The following AMZ1 variants were observed in gnomAD, a reference collection of about 807,000 sequenced individuals.
AMZ1 encodes archaelysin family metallopeptidase 1.
In AMZ1, 39 loss-of-function variants were observed where a neutral mutation model predicts 29.9. The observed-to-expected ratio is 1.30, with a 90% CI of 1.01 to 1.70. AMZ1 has a LOEUF of 1.70. Among genes scored for constraint, AMZ1 ranks in the 40% most tolerant of loss-of-function variants. The pLI is 0.00. For missense variants in AMZ1, 1,041 were observed against 680.6 expected (o/e 1.53, Z -5.89); for synonymous variants, 458 against 304.0 (o/e 1.51, Z -5.27).
rs200691408 is a variant in AMZ1 at position 2,733,423 on chromosome 7, G to T, written n.550+23607G>T. 3 of 1,607,674 alleles carry T rather than the reference G, an allele frequency of 1.9e-6. No individual in the cohort carries two copies. The East Asian group carries it at 6.7e-5, about 36-fold the overall frequency. On this transcript the variant is annotated intron_variant and non_coding_transcript_variant, in intron 4 of 4. Coordinates refer to the AMZ1 transcript ENST00000489665. ...ACACGTTTTCTAACCCTGGAGCCCA[G>T]CTTCTTCGGGCGGGCGTGCTTACTC...
downstream of AMZ1, among the ~76,000 whole-genome samples, chr7:2,723,809 G>A (rs1356647307): frequency 6.6e-6 from 1 of 152,202 alleles, no homozygotes; most frequent in African/African-American, 2.4e-5. Flanking sequence ...GAGCCCCGGA[G>A]CTGGGCCTGG....
rs1394674017 is a variant in AMZ1, at chr7:2,717,132, ACT to A, written c.*4257_*4258del. The stretch of plus-strand genomic sequence containing the variant: ...TTTCTGGCCCGTGCAGCTCCTTCGG[ACT>A]CTGAGGAGAGGCCTGGGTGGGTGGC... On this transcript the variant is annotated 3_prime_UTR_variant, in exon 7 of 7. Coordinates refer to ENST00000683327, the MANE Select transcript of AMZ1 (RefSeq NM_001384743.1). Among the ~76,000 whole-genome samples the A allele has an allele frequency of 2.6e-5, 4 of 151,996 alleles. No homozygotes were observed. Among genetic ancestry groups the A allele is most frequent in the African/African-American group, 9.7e-5 (4 of 41,364 alleles).
intron 4 of AMZ1, chr7:2,729,678 G>C (rs532271591): frequency 2.0e-5 from 3 of 152,442 alleles, no homozygotes; most frequent in African/African-American, 7.2e-5. Flanking sequence ...GCACGGCCTC[G>C]GGACGAGGGC....
Position 2,718,913 on chromosome 7 carries a change from G to A in AMZ1, c.*6035G>A, listed in dbSNP as rs143825621. On this transcript the variant is annotated 3_prime_UTR_variant, in exon 7 of 7. Coordinates refer to ENST00000683327, the MANE Select transcript of AMZ1 (RefSeq NM_001384743.1). ...CAGAGAACACGCTTTTCTCAGGGTC[G>A]CTTAACACAGGCAGGGGTACAGGAG... Among the ~76,000 whole-genome samples the A allele has an allele frequency of 6.8e-4, 104 of 152,270 alleles. No homozygotes were observed. Among genetic ancestry groups the A allele is most frequent in the African/African-American group, 2.4e-3 (100 of 41,562 alleles).
chr7:2,740,969 C>A (rs531895795), intron 4 of AMZ1, among the ~76,000 whole-genome samples: 5 of 152,080 alleles, frequency 3.3e-5, no homozygotes, highest in African/African-American at 1.2e-4. Flanking sequence ...GGTGTGAACC[C>A]GGGAGGCAGA....
chr7:2,735,180 C>A (rs566314258), intron 4 of AMZ1, among the ~76,000 whole-genome samples: 9 of 152,212 alleles, frequency 5.9e-5, no homozygotes, highest in Admixed American at 3.3e-4. Flanking sequence ...CTCTCCTGCC[C>A]TCCCCTGGGC....
chr7:2,708,116 C>T (rs183636447), intron 3 of AMZ1, among the ~76,000 whole-genome samples: 4 of 152,256 alleles, frequency 2.6e-5, no homozygotes, highest in African/African-American at 9.6e-5. Flanking sequence ...AGCCACTGTG[C>T]CCGGCCTTAC....
upstream of AMZ1, among the ~76,000 whole-genome samples, chr7:2,684,872 C>CTTT (rs60735391): frequency 9.8e-5 from 13 of 132,634 alleles, no homozygotes; most frequent in Non-Finnish European, 1.6e-4. Flanking sequence ...CACATAATTG[C>CTTT]TTTTTTTTTT....
chr7:2,693,877 A>G (rs1787553401), intron 1 of AMZ1, among the ~76,000 whole-genome samples: 1 of 152,104 alleles, frequency 6.6e-6, no homozygotes, highest in Non-Finnish European at 1.5e-5. Context: ...TTCCAACAGG[A>G]CCTGTCACCT....
At chr7:2,695,873 G>A (rs963397829) in intron 1 of AMZ1, among the ~76,000 whole-genome samples, 5 of 151,922 alleles carry the variant, frequency 3.3e-5, no homozygotes, top group Admixed American at 2.6e-4. Flanking sequence ...AGCCGGGCGT[G>A]GTGGCGGGCA....
chr7:2,694,680 A>T (rs866980735), intron 1 of AMZ1, among the ~76,000 whole-genome samples: 8 of 121,588 alleles, frequency 6.6e-5, no homozygotes, highest in Admixed American at 1.7e-4. Context: ...TATTTTATTT[A>T]TTTTTTTTTT....
intron 4 of AMZ1, among the ~76,000 whole-genome samples, chr7:2,725,561 C>A (rs1428206747): frequency 3.3e-5 from 5 of 152,236 alleles, no homozygotes; most frequent in Non-Finnish European, 7.3e-5. Flanking sequence ...TAGGGCAGGT[C>A]TCAGTGACCT....
In AMZ1 at chr7:2,712,669, G is replaced by A. The variant is rs1029474875; in HGVS notation, c.1288G>A (p.Val430Met). Residue 430 changes from valine to methionine, a missense_variant, in exon 7 of 7, where the codon GTG (valine) becomes ATG (methionine). By Grantham distance (21) the Val-to-Met change is conservative. Transcript: ENST00000683327. ...REVAEEDLVQ[V>M]DRAVDALDRW... Reference sequence around the variant, plus strand: ...AGTGGCAGAGGAGGACCTGGTGCAGGTGGACAGAGCCGTGGACGCCCTCGA... The same window carrying A: ...AGTGGCAGAGGAGGACCTGGTGCAGATGGACAGAGCCGTGGACGCCCTCGA... 8 of 1,613,056 alleles carry A rather than the reference G, an allele frequency of 5.0e-6. 1 individual carries two copies. Among genetic ancestry groups the A allele is most frequent in the African/African-American group, 4.0e-5 (3 of 75,052 alleles).
intron 1 of AMZ1, among the ~76,000 whole-genome samples, chr7:2,691,614 G>T (rs775068962): frequency 6.8e-6 from 1 of 146,578 alleles, no homozygotes; most frequent in East Asian, 1.9e-4. Flanking sequence ...GGTCGTGAGC[G>T]CCTGCAGTCC....
At chr7:2,762,703 G>A (rs1178251642), upstream of AMZ1, 2 of 1,570,356 alleles carry the variant, frequency 1.3e-6, no homozygotes, top group African/African-American at 1.4e-5. Flanking sequence ...CCGGGTGGAG[G>A]AGCGCCAGAG....
intron 1 of AMZ1, among the ~76,000 whole-genome samples, chr7:2,682,557 G>A (rs1786921168): frequency 6.6e-6 from 1 of 152,196 alleles, no homozygotes; most frequent in African/African-American, 2.4e-5. Flanking sequence ...AAGTCCCGCA[G>A]GCAGTGCTGG....
At position 2,713,175 on chromosome 7, in the gene AMZ1, G is replaced by A. The variant is rs113442951; in HGVS notation, c.*297G>A. ...GAGGATTGCTTGAGCCTAGGAGGTC[G>A]AGGCTGCAGTGGGATGTGATCATAC... is the stretch of plus-strand genomic sequence containing the variant. On this transcript the variant is annotated 3_prime_UTR_variant, in exon 7 of 7. Transcript: ENST00000683327. 3.7e-5 allele frequency: 10 copies of A among 268,962 alleles called. No individual in the cohort carries two copies. The highest frequency in any genetic ancestry group is 1.1e-4 in the African/African-American group (5 of 45,426). The allele number at this position is 268,962 out of a possible 1,614,324, so 16.7% of individuals were successfully genotyped here.
chr7:2,697,972 T>C (rs1243984901), intron 1 of AMZ1, among the ~76,000 whole-genome samples: 1 of 152,204 alleles, frequency 6.6e-6, no homozygotes, highest in Non-Finnish European at 1.5e-5. Context: ...TGCACACATG[T>C]ATATACAGCT....
chr7:2,754,005 A>C (rs936758435), intron 4 of AMZ1, among the ~76,000 whole-genome samples: 1 of 152,196 alleles, frequency 6.6e-6, no homozygotes, highest in African/African-American at 2.4e-5. Flanking sequence ...TGACCAGAGA[A>C]TCTACATCTA....
Sources: gnomAD v4.1 joint callset for allele counts (sites outside exome capture counted in the v4.1 genomes callset) on GRCh38, gnomAD v4.1.1 for gene constraint, MANE v1.5 for transcripts, NCBI Gene and HGNC (gene_info 2026-07-23, HGNC 2026-07-21) for gene names.